Variants in SMS observed in about 807,000 individuals in gnomAD.
The protein encoded by SMS is spermine synthase.
A neutral mutation model predicts 33.0 loss-of-function variants in SMS; 3 were observed. The ratio of observed to expected loss-of-function variants is 0.09; its 90% CI spans 0.04 to 0.23. The LOEUF (loss-of-function observed/expected upper bound fraction) is 0.23, where lower values mean the gene tolerates loss of function less well. Among genes scored for constraint, SMS ranks in the 10% least tolerant of loss-of-function variants. SMS has a pLI of 1.00. For missense variants in SMS, 117 were observed against 288.6 expected (o/e 0.41, Z 4.31); for synonymous variants, 103 against 112.2 (o/e 0.92, Z 0.52).
At chrX:21,945,415 C>G (rs1316417694) in intron 1 of SMS, among the ~76,000 whole-genome samples, 5 of 111,628 alleles carry the variant, frequency 4.5e-5, no homozygotes, top group Non-Finnish European at 1.9e-5. Context: ...TTCACAAATT[C>G]TATAACCTTG....
intron 1 of SMS, among the ~76,000 whole-genome samples, chrX:21,945,958 T>C (rs1447114468): frequency 9.0e-6 from 1 of 111,228 alleles, no homozygotes; most frequent in Non-Finnish European, 1.9e-5. Flanking sequence ...AATAACAAGA[T>C]GTGGCAGCAA....
chrX:21,952,432 T>TTAA, intron 1 of SMS, among the ~76,000 whole-genome samples: 1 of 106,557 alleles, frequency 9.4e-6, no homozygotes, highest in African/African-American at 3.4e-5. Flanking sequence ...TTTTTTTTTT[T>TTAA]TTTTGAATGT....
chrX:21,960,577 C>A (rs189621358), intron 1 of SMS, among the ~76,000 whole-genome samples: 147 of 111,874 alleles, frequency 1.3e-3, no homozygotes, highest in African/African-American at 4.4e-3. Context: ...CATATTGCTT[C>A]TTTCTGTATT....
At chrX:21,993,012 A>G (rs750499236) in intron 10 of SMS, among the ~76,000 whole-genome samples, 1 of 111,849 alleles carries the variant, frequency 8.9e-6, no homozygotes, top group East Asian at 2.8e-4. Flanking sequence ...CCAGACCTGC[A>G]GCATCGCTCA....
chrX:21,977,250 C>T lies in SMS; in HGVS notation c.505+14C>T. The T allele has an allele frequency of 3.4e-6, 4 of 1,172,833 alleles. No individual in the cohort carries two copies. Among genetic ancestry groups the T allele is most frequent in the Non-Finnish European group, 3.5e-6 (3 of 859,886 alleles). ...GTGGGGATGTTAGTAAGTATTCCAT[C>T]CCTGCCCCGATCACGTAACAAAGTG... On this transcript the variant is annotated intron_variant, in intron 5 of 10. Coordinates refer to ENST00000404933, the MANE Select transcript of SMS (RefSeq NM_004595.5).
chrX:21,949,456 A>G (rs2238961), intron 1 of SMS, among the ~76,000 whole-genome samples: 9,064 of 112,069 alleles, frequency 0.081, 397 homozygotes, highest in Admixed American at 0.24. Flanking sequence ...TCTGCTGGCA[A>G]GAGAAGAGGC....
intron 1 of SMS, among the ~76,000 whole-genome samples, chrX:21,962,275 C>T (rs1923411626): frequency 1.8e-5 from 2 of 112,024 alleles, no homozygotes; most frequent in Admixed American, 9.5e-5. Context: ...TAGAGCAAGT[C>T]TGATTTGTTG....
At chrX:21,951,836 C>T (rs1478995428) in intron 1 of SMS, among the ~76,000 whole-genome samples, 1 of 110,034 alleles carries the variant, frequency 9.1e-6, no homozygotes, top group East Asian at 2.8e-4. Context: ...CAGAAGGCTG[C>T]AGGAACTGTT....
At chrX:21,985,602 A>G (rs1055803392) in intron 9 of SMS, among the ~76,000 whole-genome samples, 17 of 112,184 alleles carry the variant, frequency 1.5e-4, no homozygotes, top group Admixed American at 1.2e-3. Context: ...TAAAGATTAC[A>G]TTAATTGGGG....
chrX:21,976,660 GGGACACTTGAAGAT>G (rs1924550674), intron 4 of SMS, among the ~76,000 whole-genome samples: 1 of 111,292 alleles, frequency 9.0e-6, no homozygotes, highest in Admixed American at 9.6e-5. Context: ...GATATAACTG[GGGACACTTGAAGAT>G]GGACTCTGTA....
Position 21,980,429 on chromosome X carries a change from A to AATATATAT in SMS, c.750+1480_750+1487dup, listed in dbSNP as rs1187267102. Among the ~76,000 whole-genome samples the AATATATAT allele has an allele frequency of 1.1e-3, 72 of 63,041 alleles. 1 individual carries two copies. Among genetic ancestry groups the AATATATAT allele is most frequent in the East Asian group, 3.9e-3 (6 of 1,538 alleles). The allele number at this position is 63,041 out of a possible 115,157, so 54.7% of individuals were successfully genotyped here. ...GAGACTGTCTCCAAAAAAAAAAAAA[A>AATATATAT]ATATATATATATATATATATATATT... On this transcript the variant is annotated intron_variant, in intron 7 of 10. Transcript: ENST00000404933.
chrX:21,947,255 C>T (rs902809926), intron 1 of SMS, among the ~76,000 whole-genome samples: 1 of 111,617 alleles, frequency 9.0e-6, no homozygotes, highest in Non-Finnish European at 1.9e-5. Flanking sequence ...GTGATAACAC[C>T]GCAGGCACAG....
chrX:21,961,149 A>C (rs1232617410), intron 1 of SMS, among the ~76,000 whole-genome samples: 7 of 103,313 alleles, frequency 6.8e-5, no homozygotes, highest in Non-Finnish European at 1.9e-5. Context: ...ATGGGGCTGC[A>C]TACCATGTGG....
At chrX:21,943,328 AAGTG>A (rs1327009707) in intron 1 of SMS, among the ~76,000 whole-genome samples, 6 of 111,874 alleles carry the variant, frequency 5.4e-5, no homozygotes, top group African/African-American at 1.3e-4. Flanking sequence ...AATGAAGAAA[AAGTG>A]AGAGAATTTT....
At chrX:21,974,851 C>G (rs1430676873) in intron 4 of SMS, among the ~76,000 whole-genome samples, 1 of 66,902 alleles carries the variant, frequency 1.5e-5, no homozygotes, top group Non-Finnish European at 2.6e-5. Flanking sequence ...ACAAGGATTG[C>G]TATCCTTTTT....
chrX:21,973,096 C>T (rs1924295382), intron 4 of SMS, among the ~76,000 whole-genome samples: 1 of 110,925 alleles, frequency 9.0e-6, no homozygotes, highest in Admixed American at 9.6e-5. Flanking sequence ...GATGCACACA[C>T]ACAAATGCTA....
intron 6 of SMS, 23 bp from the exon 7 acceptor site, chrX:21,978,854 A>G: frequency 1.8e-6 from 2 of 1,120,218 alleles, no homozygotes; most frequent in Non-Finnish European, 2.5e-6. Context: ...ATATACCCAA[A>G]TTCTCCTTAA....
At chrX:21,941,538 G>A (rs1921776312) in intron 1 of SMS, among the ~76,000 whole-genome samples, 1 of 110,462 alleles carries the variant, frequency 9.1e-6, no homozygotes, top group African/African-American at 3.3e-5. Flanking sequence ...ATTGGGGGTG[G>A]GGAGGCATGA....
At chrX:21,962,155 G>A (rs769626145) in intron 1 of SMS, among the ~76,000 whole-genome samples, 13 of 111,727 alleles carry the variant, frequency 1.2e-4, no homozygotes, top group African/African-American at 3.3e-4. Context: ...ACAAGCAAGG[G>A]CATTCCTGAC....
Sources: gnomAD v4.1 joint callset for allele counts (sites outside exome capture counted in the v4.1 genomes callset) on GRCh38, gnomAD v4.1.1 for gene constraint, MANE v1.5 for transcripts, NCBI Gene and HGNC (gene_info 2026-07-23, HGNC 2026-07-21) for gene names.